Variants in SPAG16 observed in about 807,000 individuals in gnomAD.
The protein encoded by SPAG16 is sperm associated antigen 16, also known as sperm-associated antigen 16 protein.
A neutral mutation model predicts 80.4 loss-of-function variants in SPAG16; 86 were observed. The observed-to-expected ratio is 1.07, with a 90% CI of 0.90 to 1.28. SPAG16 has a LOEUF of 1.28. Among genes scored for constraint, SPAG16 ranks in the 50% most tolerant of loss-of-function variants. The probability of loss-of-function intolerance (pLI) is 0.00; values close to 1 mark genes in which losing one functional copy is unlikely to be tolerated. For synonymous variants in SPAG16, 294 were observed against 265.9 expected, an observed-to-expected ratio of 1.11 and a Z score of -1.03; for missense variants, 870 against 765.3, an observed-to-expected ratio of 1.14 and a Z score of -1.61.
intron 9 of SPAG16, among the ~76,000 whole-genome samples, chr2:213,422,952 G>A (rs1343999872): frequency 2.6e-5 from 4 of 152,210 alleles, no homozygotes; most frequent in Admixed American, 2.6e-4. Flanking sequence ...TGCCCTAGCA[G>A]GGATTTCCAT....
At chr2:213,712,405 C>T (rs1269455315) in intron 10 of SPAG16, among the ~76,000 whole-genome samples, 1 of 152,040 alleles carries the variant, frequency 6.6e-6, no homozygotes, top group Non-Finnish European at 1.5e-5. Context: ...AGACTTCTAC[C>T]CATATAAGAT....
intron 10 of SPAG16, among the ~76,000 whole-genome samples, chr2:213,507,370 A>G (rs2075008524): frequency 6.6e-6 from 1 of 152,246 alleles, no homozygotes; most frequent in African/African-American, 2.4e-5. Flanking sequence ...GATATCAGGC[A>G]TTCAGCCTTT....
At chr2:213,439,906 ACT>A (rs927477554) in intron 9 of SPAG16, among the ~76,000 whole-genome samples, 1 of 152,192 alleles carries the variant, frequency 6.6e-6, no homozygotes, top group Non-Finnish European at 1.5e-5. Flanking sequence ...ATTACAAAAA[ACT>A]CTATGATAAT....
At chr2:214,187,058 C>T (rs906250416) in intron 15 of SPAG16, among the ~76,000 whole-genome samples, 2 of 152,150 alleles carry the variant, frequency 1.3e-5, no homozygotes, top group African/African-American at 2.4e-5. Flanking sequence ...GCCACTGCAC[C>T]TGGCTGCAAG....
At chr2:214,103,273 A>G (rs913868435) in intron 13 of SPAG16, among the ~76,000 whole-genome samples, 9 of 152,202 alleles carry the variant, frequency 5.9e-5, no homozygotes, top group African/African-American at 1.9e-4. Flanking sequence ...TAGAGAGGCA[A>G]TATTGTGGAA....
chr2:213,948,383 TCTC>T (rs1175293431), intron 12 of SPAG16, among the ~76,000 whole-genome samples: 2 of 152,134 alleles, frequency 1.3e-5, no homozygotes, highest in East Asian at 1.9e-4. Flanking sequence ...AAATTTGACT[TCTC>T]CTCATGAAGA....
At chr2:213,929,276 A>G (rs1417726348) in intron 11 of SPAG16, among the ~76,000 whole-genome samples, 2 of 151,996 alleles carry the variant, frequency 1.3e-5, no homozygotes, top group Non-Finnish European at 2.9e-5. Flanking sequence ...GGCCACCCAA[A>G]GTGCTGGGAT....
At chr2:213,717,780 T>G (rs979677645) in intron 10 of SPAG16, among the ~76,000 whole-genome samples, 4 of 152,118 alleles carry the variant, frequency 2.6e-5, no homozygotes, top group Non-Finnish European at 4.4e-5. Flanking sequence ...CAATACATAG[T>G]AACAAACTGA....
intron 12 of SPAG16, among the ~76,000 whole-genome samples, chr2:213,954,585 T>C (rs1351134381): frequency 6.6e-6 from 1 of 152,134 alleles, no homozygotes; most frequent in African/African-American, 2.4e-5. Flanking sequence ...GTCATGGTGG[T>C]TTGCTGCACC....
intron 15 of SPAG16, among the ~76,000 whole-genome samples, chr2:214,359,715 G>A (rs541894272): frequency 4.6e-5 from 7 of 151,922 alleles, no homozygotes; most frequent in African/African-American, 1.7e-4. Context: ...GCAACAGAAT[G>A]TATCTCAATG....
chr2:213,416,029 A>G (rs1258468732), intron 9 of SPAG16, among the ~76,000 whole-genome samples: 1 of 152,352 alleles, frequency 6.6e-6, no homozygotes, highest in South Asian at 2.1e-4. Context: ...AGATGAGATG[A>G]TGGGAATCAG....
chr2:214,126,040 TTCCTTCCTTCCTTCCTTCC>T (rs1409067149), intron 14 of SPAG16, among the ~76,000 whole-genome samples: 390 of 36,232 alleles, frequency 0.011, 45 homozygotes, highest in Non-Finnish European at 0.015. Context: ...CCTTCCTTCC[TTCCTTCCTTCCTTCCTTCC>T]TTTTTTTTTT....
intron 12 of SPAG16, among the ~76,000 whole-genome samples, chr2:213,936,223 G>A (rs920737625): frequency 3.9e-5 from 6 of 152,110 alleles, no homozygotes; most frequent in African/African-American, 9.7e-5. Context: ...GCAGCAAAGA[G>A]GCCAGCATGA....
chr2:213,377,352 T>C (rs1333354448), intron 9 of SPAG16, among the ~76,000 whole-genome samples: 2 of 152,214 alleles, frequency 1.3e-5, no homozygotes, highest in African/African-American at 2.4e-5. Flanking sequence ...TGTGACCTAC[T>C]GACTCTTAAA....
In SPAG16 at chr2:214,177,971, G is replaced by GTGTATA. The variant is rs1397087073; in HGVS notation, c.1720+28706_1720+28707insGTATAT. On this transcript the variant is annotated intron_variant, in intron 15 of 15. Transcript: ENST00000331683. ...TTATATCTAACTTCACAAAGTGTAT[G>GTGTATA]TATATATATATATATATATATATAT... 4.5e-3 allele frequency among the ~76,000 whole-genome samples: 267 copies of GTGTATA among 59,316 alleles called. 7 individuals are homozygous for GTGTATA. Among genetic ancestry groups the GTGTATA allele is most frequent in the East Asian group, 0.017 (24 of 1,394 alleles). The allele number at this position is 59,316 out of a possible 152,430, so 38.9% of individuals were successfully genotyped here. A position where few individuals can be genotyped will look rare whatever the true frequency, so the allele number is the denominator to read the frequency against.
chr2:214,075,153 T>C (rs1180709148), intron 13 of SPAG16, among the ~76,000 whole-genome samples: 3 of 151,992 alleles, frequency 2.0e-5, no homozygotes, highest in East Asian at 1.9e-4. Flanking sequence ...TTTTTTCAGG[T>C]ATTTTCTCCC....
chr2:213,585,974 C>T (rs2060458501), intron 10 of SPAG16, among the ~76,000 whole-genome samples: 1 of 152,100 alleles, frequency 6.6e-6, no homozygotes, highest in Non-Finnish European at 1.5e-5. Context: ...ATCTAATCAT[C>T]TCCATAACAT....
At chr2:213,516,947 C>A (rs1483423789) in intron 10 of SPAG16, among the ~76,000 whole-genome samples, 5 of 152,002 alleles carry the variant, frequency 3.3e-5, no homozygotes, top group Non-Finnish European at 7.4e-5. Context: ...TAAAACATTT[C>A]TGAGGAAGTC....
chr2:213,967,203 A>C (rs2044752327), intron 12 of SPAG16, among the ~76,000 whole-genome samples: 1 of 152,230 alleles, frequency 6.6e-6, no homozygotes, highest in Non-Finnish European at 1.5e-5. Flanking sequence ...AAACTGTAGT[A>C]GGTCCTACCA....
Sources: gnomAD v4.1 joint callset for allele counts (sites outside exome capture counted in the v4.1 genomes callset) on GRCh38, gnomAD v4.1.1 for gene constraint, MANE v1.5 for transcripts, NCBI Gene and HGNC (gene_info 2026-07-23, HGNC 2026-07-21) for gene names.